The following VAC14 variants were observed in gnomAD, a reference collection of about 807,000 sequenced individuals.
The protein encoded by VAC14 is protein VAC14 homolog.
VAC14 carries 47 observed loss-of-function variants against 85.3 expected under a neutral mutation model. The ratio of observed to expected loss-of-function variants is 0.55; its 90% CI spans 0.44 to 0.70. The LOEUF (loss-of-function observed/expected upper bound fraction) is 0.70, where lower values mean the gene tolerates loss of function less well. Among genes scored for constraint, VAC14 ranks in the 30% least tolerant of loss-of-function variants. The pLI, the probability that VAC14 is intolerant of heterozygous loss-of-function variation, is 0.00. For missense variants in VAC14, 861 were observed against 1,004.3 expected (o/e 0.86, Z 1.93); for synonymous variants, 447 against 430.5 (o/e 1.04, Z -0.47).
At chr16:70,705,193 C>T (rs992064124) in intron 14 of VAC14, among the ~76,000 whole-genome samples, 1 of 152,230 alleles carries the variant, frequency 6.6e-6, no homozygotes, top group Non-Finnish European at 1.5e-5. Context: ...CCCATGCACT[C>T]ACTGGGTGCA....
At chr16:70,725,359 G>A (rs1268574089) in intron 14 of VAC14, among the ~76,000 whole-genome samples, 3 of 152,260 alleles carry the variant, frequency 2.0e-5, no homozygotes, top group Non-Finnish European at 2.9e-5. Flanking sequence ...CCCCAGCCAA[G>A]GGCCCTGTCC....
chr16:70,690,328 T>C (rs1482588356), intron 18 of VAC14: 2 of 985,480 alleles, frequency 2.0e-6, no homozygotes, highest in Admixed American at 6.1e-5. Context: ...CCCCACCTAA[T>C]GCAGATGGCT....
intron 12 of VAC14, chr16:70,761,274 C>T (rs1247678613): frequency 7.6e-6 from 3 of 393,438 alleles, no homozygotes; most frequent in Admixed American, 2.9e-5. Context: ...CAATAGCCCT[C>T]TCCCATCCCC....
At chr16:70,691,500 GC>G (rs2053595028) in intron 18 of VAC14, 2 of 985,312 alleles carry the variant, frequency 2.0e-6, no homozygotes, top group African/African-American at 3.5e-5. Context: ...CAGCACTCCG[GC>G]CCCAGGAACC....
chr16:70,721,390 AGAG>A (rs1223216730), intron 14 of VAC14, among the ~76,000 whole-genome samples: 1 of 151,866 alleles, frequency 6.6e-6, no homozygotes, highest in African/African-American at 2.4e-5. Context: ...AAGAAGAGGA[AGAG>A]GAGGAGGTGG....
chr16:70,733,165 C>A (rs566215237), intron 13 of VAC14, among the ~76,000 whole-genome samples: 1 of 152,266 alleles, frequency 6.6e-6, no homozygotes, highest in African/African-American at 2.4e-5. Flanking sequence ...TGGCCCCTAG[C>A]GATCACTCAT....
intron 9 of VAC14, among the ~76,000 whole-genome samples, chr16:70,777,390 C>G (rs958055909): frequency 1.3e-5 from 2 of 152,190 alleles, no homozygotes; most frequent in African/African-American, 4.8e-5. Context: ...AATAAGAAAT[C>G]TGAGGCTCAG....
chr16:70,783,248 CT>C, intron 6 of VAC14, 109 bp from the exon 7 acceptor site: 2 of 1,230,488 alleles, frequency 1.6e-6, no homozygotes, highest in South Asian at 1.4e-5. Flanking sequence ...GGCGGCTTGG[CT>C]TTTGGACTTG....
At chr16:70,722,043 A>G (rs2054306377) in intron 14 of VAC14, among the ~76,000 whole-genome samples, 1 of 152,202 alleles carries the variant, frequency 6.6e-6, no homozygotes, top group African/African-American at 2.4e-5. Flanking sequence ...AGGACTGGGG[A>G]CGAGGGCAGA....
At chr16:70,716,257 C>T (rs979515956) in intron 14 of VAC14, 5 of 152,294 alleles carry the variant, frequency 3.3e-5, no homozygotes, top group South Asian at 2.1e-4. Context: ...CCGGGGGAGG[C>T]GTGAGCCATG....
chr16:70,759,504 T>A (rs748581461), intron 12 of VAC14, among the ~76,000 whole-genome samples: 16 of 152,142 alleles, frequency 1.1e-4, no homozygotes, highest in Non-Finnish European at 2.2e-4. Context: ...GGTACATGCC[T>A]GTAATCCCAG....
chr16:70,799,469 G>A (rs2034678010), intron 1 of VAC14, among the ~76,000 whole-genome samples: 1 of 152,192 alleles, frequency 6.6e-6, no homozygotes, highest in East Asian at 1.9e-4. Flanking sequence ...TTTAGTTTAG[G>A]AGGAAACTAA....
intron 12 of VAC14, among the ~76,000 whole-genome samples, chr16:70,752,578 G>C (rs1274596142): frequency 6.6e-6 from 1 of 152,252 alleles, no homozygotes; most frequent in African/African-American, 2.4e-5. Context: ...ACTCATACCC[G>C]CTATGGCTCT....
intron 13 of VAC14, among the ~76,000 whole-genome samples, chr16:70,733,767 C>T: frequency 6.6e-6 from 1 of 152,144 alleles, no homozygotes; most frequent in East Asian, 1.9e-4. Flanking sequence ...ATAAAGCCTG[C>T]AGAACTGTAA....
intron 3 of VAC14, 78 bp from the exon 4 acceptor site, chr16:70,784,916 T>C: frequency 7.5e-7 from 1 of 1,329,124 alleles, no homozygotes. Flanking sequence ...TTCCTGCAAA[T>C]CCGCAGCCGA....
intron 16 of VAC14, 181 bp from the exon 17 acceptor site, chr16:70,695,804 G>C: frequency 3.4e-6 from 2 of 582,544 alleles, no homozygotes; most frequent in Non-Finnish European, 6.1e-6. Flanking sequence ...GTCCTAAATG[G>C]AACTCCCCTG....
rs556426149 is a variant in VAC14 at position 70,710,050 on chromosome 16, C to T, written c.1662-11239G>A. On this transcript the variant is annotated intron_variant, in intron 14 of 18. Transcript: ENST00000261776. Reference sequence around the variant, plus strand: ...AGGCCAGCCCTGCCCACGAGGAGGCCGCCACCGCCTGGCACGCTGCTTCCT... The same window carrying T: ...AGGCCAGCCCTGCCCACGAGGAGGCTGCCACCGCCTGGCACGCTGCTTCCT... 3.7e-4 allele frequency among the ~76,000 whole-genome samples: 56 copies of T among 152,292 alleles called. No individual in the cohort carries two copies. The South Asian group carries it at 0.01, about 28-fold the overall frequency.
chr16:70,778,964 C>T (rs1286102935), intron 9 of VAC14: 1 of 152,228 alleles, frequency 6.6e-6, no homozygotes, highest in South Asian at 2.1e-4. Flanking sequence ...AAGGCCCGCA[C>T]TAGCTTATCC....
At chr16:70,764,242 T>C (rs1168352226) in intron 10 of VAC14, among the ~76,000 whole-genome samples, 1 of 152,178 alleles carries the variant, frequency 6.6e-6, no homozygotes, top group Non-Finnish European at 1.5e-5. Flanking sequence ...ATCCCCATGG[T>C]GCACATTTCA....
Sources: gnomAD v4.1 joint callset for allele counts (sites outside exome capture counted in the v4.1 genomes callset) on GRCh38, gnomAD v4.1.1 for gene constraint, MANE v1.5 for transcripts, NCBI Gene and HGNC (gene_info 2026-07-23, HGNC 2026-07-21) for gene names.